The following SPATA13 variants were observed in gnomAD, a reference collection of about 807,000 sequenced individuals.
The protein encoded by SPATA13 is spermatogenesis associated 13, also known as spermatogenesis-associated protein 13.
SPATA13 carries 50 observed loss-of-function variants against 104.0 expected under a neutral mutation model. The ratio of observed to expected loss-of-function variants is 0.48; its 90% CI spans 0.38 to 0.61. The LOEUF is 0.61. Ranked by LOEUF, SPATA13 falls within the 20% of genes least tolerant of loss-of-function variation. The probability of loss-of-function intolerance (pLI) is 0.00; values close to 1 mark genes in which losing one functional copy is unlikely to be tolerated. For synonymous variants in SPATA13, 606 were observed against 667.5 expected, an observed-to-expected ratio of 0.91 and a Z score of 1.42; for missense variants, 1,524 against 1,690.6, an observed-to-expected ratio of 0.90 and a Z score of 1.73.
intron 1 of SPATA13, among the ~76,000 whole-genome samples, chr13:24,204,529 T>G (rs1870593227): frequency 6.6e-6 from 1 of 152,178 alleles, no homozygotes; most frequent in Non-Finnish European, 1.5e-5. Flanking sequence ...GTGCAACTAT[T>G]ACTACCATTC....
chr13:24,132,922 C>T (rs1447132912), intron 3 of SPATA13, among the ~76,000 whole-genome samples: 2 of 152,160 alleles, frequency 1.3e-5, no homozygotes, highest in East Asian at 1.9e-4. Flanking sequence ...TTGCAATGGG[C>T]CAAGATTGTA....
chr13:24,017,066 G>A (rs1287426219), intron 2 of SPATA13, among the ~76,000 whole-genome samples: 1 of 149,472 alleles, frequency 6.7e-6, no homozygotes, highest in Non-Finnish European at 1.5e-5. Context: ...GACAGGGTCA[G>A]GGGGCAGACA....
At chr13:24,027,693 T>G (rs1877292258) in intron 3 of SPATA13, among the ~76,000 whole-genome samples, 1 of 152,252 alleles carries the variant, frequency 6.6e-6, no homozygotes, top group Admixed American at 6.5e-5. Context: ...TCTGGCTGTG[T>G]GACCTTGGTC....
intron 4 of SPATA13, chr13:24,270,704 T>C: frequency 1.3e-6 from 2 of 1,495,218 alleles, no homozygotes; most frequent in Non-Finnish European, 1.8e-6. Flanking sequence ...GGGCAGGCTC[T>C]GGCCGGGAAC....
At chr13:24,279,270 G>A (rs1389329303) in intron 4 of SPATA13, among the ~76,000 whole-genome samples, 1 of 152,170 alleles carries the variant, frequency 6.6e-6, no homozygotes, top group Non-Finnish European at 1.5e-5. Flanking sequence ...GCGGCCCTGG[G>A]CAAGGAGTGC....
chr13:24,049,634 G>A (rs1240372232), intron 3 of SPATA13, among the ~76,000 whole-genome samples: 1 of 152,084 alleles, frequency 6.6e-6, no homozygotes, highest in Non-Finnish European at 1.5e-5. Context: ...CCTGTATAGG[G>A]AGTCTGTAAT....
chr13:24,303,023 G>T lies in SPATA13; in HGVS notation c.*250G>T. ...AAACACCCGTGACCCACTATGAGAT[G>T]GCCCAGATGTGGGACCCGGTACCAT... is the stretch of plus-strand genomic sequence containing the variant. On this transcript the variant is annotated 3_prime_UTR_variant, in exon 13 of 13. Coordinates refer to ENST00000382108, the MANE Select transcript of SPATA13 (RefSeq NM_001166271.3). The T allele has an allele frequency of 1.9e-6, 1 of 535,928 alleles. No homozygotes were observed. Among genetic ancestry groups the T allele is most frequent in the Non-Finnish European group, 3.4e-6 (1 of 296,954 alleles). 33.2% of individuals were successfully genotyped at this position (535,928 alleles called of 1,614,324 possible). A position where few individuals can be genotyped will look rare whatever the true frequency, so the allele number is the denominator to read the frequency against.
chr13:24,160,912 C>A lies in SPATA13; in HGVS notation c.-132C>A, dbSNP rs1028745746. 12 of 985,510 alleles carry A rather than the reference C, an allele frequency of 1.2e-5. No individual in the cohort carries two copies. The highest frequency in any genetic ancestry group is 1.2e-6 in the Non-Finnish European group (1 of 830,132). The allele number at this position is 985,510 out of a possible 1,614,324, so 61.0% of individuals were successfully genotyped here. A position where few individuals can be genotyped will look rare whatever the true frequency, so the allele number is the denominator to read the frequency against. ...TTGGACACGCTGACTTTGTAGGCTCCGCCAAGAGGCGCCGCAGGAGGTAAG... is the reference window on the plus strand; with the variant it reads ...TTGGACACGCTGACTTTGTAGGCTCAGCCAAGAGGCGCCGCAGGAGGTAAG... On this transcript the variant is annotated 5_prime_UTR_variant, in exon 1 of 13. Coordinates refer to ENST00000382108, the MANE Select transcript of SPATA13 (RefSeq NM_001166271.3).
At chr13:24,090,535 C>T (rs1879878410) in intron 3 of SPATA13, among the ~76,000 whole-genome samples, 1 of 152,180 alleles carries the variant, frequency 6.6e-6, no homozygotes, top group African/African-American at 2.4e-5. Flanking sequence ...CCATGCTCCC[C>T]CATCCAATCC....
chr13:24,215,836 G>C (rs1355779389), intron 1 of SPATA13, among the ~76,000 whole-genome samples: 4 of 152,184 alleles, frequency 2.6e-5, no homozygotes, highest in Non-Finnish European at 5.9e-5. Context: ...TTCAGGATTA[G>C]GGCCATCCAT....
chr13:24,097,443 G>A (rs1156695583), intron 3 of SPATA13, among the ~76,000 whole-genome samples: 1 of 152,170 alleles, frequency 6.6e-6, no homozygotes, highest in Non-Finnish European at 1.5e-5. Context: ...CTAAACCTCA[G>A]TTTTGAGTGT....
intron 4 of SPATA13, among the ~76,000 whole-genome samples, chr13:24,273,832 T>A (rs1241400854): frequency 6.6e-6 from 1 of 152,130 alleles, no homozygotes. Flanking sequence ...CTTTTGTTTG[T>A]TGTTTGGTTG....
chr13:24,109,745 A>G (rs1239157293), intron 3 of SPATA13, among the ~76,000 whole-genome samples: 1 of 152,046 alleles, frequency 6.6e-6, no homozygotes, highest in East Asian at 1.9e-4. Flanking sequence ...ACATGGATAG[A>G]CTGTAATTCC....
At chr13:24,125,637 T>C (rs116059048) in intron 3 of SPATA13, among the ~76,000 whole-genome samples, 1,923 of 152,246 alleles carry the variant, frequency 0.013, 35 homozygotes, top group African/African-American at 0.044. Context: ...AATTCTTCCT[T>C]GACTTAGGTG....
chr13:24,284,303 C>G, intron 5 of SPATA13, 32 bp downstream of exon 5: 13 of 1,589,780 alleles, frequency 8.2e-6, no homozygotes, highest in Non-Finnish European at 1.1e-5. Flanking sequence ...GTAGTGGATA[C>G]GGGATACCTG....
intron 1 of SPATA13, among the ~76,000 whole-genome samples, chr13:24,213,075 C>G (rs1871112268): frequency 6.6e-6 from 1 of 152,166 alleles, no homozygotes; most frequent in Non-Finnish European, 1.5e-5. Flanking sequence ...CTCCACAGCA[C>G]CAAGGACAGA....
intron 3 of SPATA13, among the ~76,000 whole-genome samples, chr13:24,050,844 T>C (rs1878314793): frequency 6.6e-6 from 1 of 152,260 alleles, no homozygotes; most frequent in East Asian, 1.9e-4. Context: ...TGTGTAACAC[T>C]CAGACACCCA....
At chr13:24,250,393 A>C (rs1040827518) in intron 3 of SPATA13, among the ~76,000 whole-genome samples, 3 of 152,230 alleles carry the variant, frequency 2.0e-5, no homozygotes, top group African/African-American at 7.2e-5. Context: ...GTAATTCAAC[A>C]AATATTTATC....
chr13:24,070,177 T>C (rs1419326844), intron 3 of SPATA13, among the ~76,000 whole-genome samples: 1 of 152,164 alleles, frequency 6.6e-6, no homozygotes, highest in Non-Finnish European at 1.5e-5. Flanking sequence ...AGTGTCAGAG[T>C]AGAGCAGTTA....
Sources: allele counts gnomAD v4.1 joint callset (sites outside exome capture counted in the v4.1 genomes callset), GRCh38; gene constraint gnomAD v4.1.1; transcripts MANE v1.5; gene names NCBI Gene and HGNC (gene_info 2026-07-23, HGNC 2026-07-21).